Variants in PRKG1 observed in about 807,000 individuals in gnomAD.
The protein encoded by PRKG1 is protein kinase cGMP-dependent 1.
A neutral mutation model predicts 88.1 loss-of-function variants in PRKG1; 35 were observed. The ratio of observed to expected loss-of-function variants is 0.40; its 90% confidence interval spans 0.30 to 0.53. PRKG1 has a LOEUF of 0.53. Among genes scored for constraint, PRKG1 ranks in the 20% least tolerant of loss-of-function variants. PRKG1 has a pLI of 0.59. For synonymous variants in PRKG1, 303 were observed against 292.5 expected, an observed-to-expected ratio of 1.04 and a Z score of -0.37; for missense variants, 540 against 839.8, an observed-to-expected ratio of 0.64 and a Z score of 4.41.
At chr10:51,219,074 A>G (rs1334528422) in intron 2 of PRKG1, among the ~76,000 whole-genome samples, 1 of 152,224 alleles carries the variant, frequency 6.6e-6, no homozygotes, top group East Asian at 1.9e-4. Flanking sequence ...TTTTAGAAAT[A>G]CTTTCAAATT....
At chr10:51,958,626 G>T in intron 5 of PRKG1, among the ~76,000 whole-genome samples, 2 of 141,970 alleles carry the variant, frequency 1.4e-5, no homozygotes, top group Admixed American at 7.2e-5. Flanking sequence ...CATGAGTGTT[G>T]GAAGGGAAGA....
chr10:51,706,458 C>T (rs1254008906), intron 3 of PRKG1, among the ~76,000 whole-genome samples: 1 of 151,772 alleles, frequency 6.6e-6, no homozygotes, highest in Non-Finnish European at 1.5e-5. Context: ...CATTTCTGGA[C>T]TTGAGGTTGA....
At chr10:52,003,962 C>T (rs1197597009) in intron 5 of PRKG1, among the ~76,000 whole-genome samples, 1 of 152,114 alleles carries the variant, frequency 6.6e-6, no homozygotes, top group Non-Finnish European at 1.5e-5. Context: ...TCAGTTTTCT[C>T]ATCTGTAAAA....
chr10:51,568,958 C>T (rs758481628), intron 3 of PRKG1, among the ~76,000 whole-genome samples: 1 of 151,744 alleles, frequency 6.6e-6, no homozygotes, highest in Non-Finnish European at 1.5e-5. Flanking sequence ...GGGTGTGGGC[C>T]GAGTAGACTA....
rs377626383 is a variant in PRKG1, at chr10:51,193,309, A to G, written c.478+39979A>G. Among the ~76,000 whole-genome samples, 14 of 152,150 alleles carry G rather than the reference A, an allele frequency of 9.2e-5. No homozygotes were observed. In the East Asian group the frequency reaches 1.5e-3, roughly 17 times the overall value. ...AAATCACCTGGAGGTACTGTTGAAT[A>G]TGCAGATTTCTGTGTCCCACCCTAT... On this transcript the variant is annotated intron_variant, in intron 2 of 17. Coordinates refer to ENST00000373980, the MANE Select transcript of PRKG1 (RefSeq NM_006258.4).
intron 5 of PRKG1, among the ~76,000 whole-genome samples, chr10:51,952,927 T>C (rs1843219329): frequency 6.6e-6 from 1 of 152,250 alleles, no homozygotes; most frequent in African/African-American, 2.4e-5. Flanking sequence ...GTGTGATTAA[T>C]ACATGTTTAT....
chr10:51,667,464 T>A (rs1026108484), intron 3 of PRKG1, among the ~76,000 whole-genome samples: 2 of 152,214 alleles, frequency 1.3e-5, no homozygotes, highest in Admixed American at 6.5e-5. Flanking sequence ...GTAATAGTGT[T>A]AAATAATGAT....
chr10:51,089,269 T>TAAA (rs1844340316), intron 1 of PRKG1, among the ~76,000 whole-genome samples: 3 of 152,228 alleles, frequency 2.0e-5, no homozygotes, highest in African/African-American at 4.8e-5. Flanking sequence ...GATAGACTGA[T>TAAA]TGCTAATAAA....
At chr10:51,602,272 G>A (rs1419509085) in intron 3 of PRKG1, among the ~76,000 whole-genome samples, 1 of 152,170 alleles carries the variant, frequency 6.6e-6, no homozygotes, top group East Asian at 1.9e-4. Flanking sequence ...ACTTCAAGGA[G>A]TTTTGTTTAT....
intron 2 of PRKG1, among the ~76,000 whole-genome samples, chr10:51,258,643 C>G (rs10490976): frequency 6.6e-6 from 1 of 152,186 alleles, no homozygotes; most frequent in Non-Finnish European, 1.5e-5. Context: ...TGGGTCAGTA[C>G]TCCTGCTTCA....
chr10:51,595,043 T>C (rs541743461), intron 3 of PRKG1, among the ~76,000 whole-genome samples: 13 of 152,278 alleles, frequency 8.5e-5, no homozygotes, highest in Admixed American at 4.6e-4. Context: ...GTGGATCCCA[T>C]TGGTGATATA....
chr10:51,481,169 T>C (rs1840344412), intron 3 of PRKG1, among the ~76,000 whole-genome samples: 1 of 152,028 alleles, frequency 6.6e-6, no homozygotes, highest in South Asian at 2.1e-4. Flanking sequence ...TATTTTACTC[T>C]TCAGTCTCTC....
At chr10:52,252,255 A>G (rs1258469052) in intron 10 of PRKG1, 2 of 152,146 alleles carry the variant, frequency 1.3e-5, no homozygotes, top group Non-Finnish European at 2.9e-5. Context: ...GAAGATGATG[A>G]TGACACTTTG....
intron 4 of PRKG1, among the ~76,000 whole-genome samples, chr10:51,872,584 A>C (rs888852278): frequency 2.0e-5 from 3 of 152,156 alleles, no homozygotes; most frequent in African/African-American, 7.2e-5. Flanking sequence ...AACCTTTAAA[A>C]AATTTCTTTT....
rs1289803162 is a variant in PRKG1 at position 52,157,306 on chromosome 10, G to GAGATATATATAT, written c.1002-4582_1002-4581insGATATATATATA. Among the ~76,000 whole-genome samples the GAGATATATATAT allele has an allele frequency of 7.9e-3, 992 of 125,726 alleles. 19 individuals carry two copies. Among genetic ancestry groups the GAGATATATATAT allele is most frequent in the East Asian group, 0.033 (125 of 3,744 alleles). 82.5% of individuals were successfully genotyped at this position (125,726 alleles called of 152,430 possible). The stretch of plus-strand genomic sequence containing the variant: ...TATATATATTGTGTGTGAGTTAGTT[G>GAGATATATATAT]ATATATATATATATATATATATATA... On this transcript the variant is annotated intron_variant, in intron 8 of 17. Transcript: ENST00000373980.
At chr10:51,217,049 A>G (rs1442733882) in intron 2 of PRKG1, among the ~76,000 whole-genome samples, 1 of 152,150 alleles carries the variant, frequency 6.6e-6, no homozygotes, top group Non-Finnish European at 1.5e-5. Context: ...AGATAGTCAA[A>G]TTGAAAAGCT....
chr10:51,861,604 C>A (rs1840874366), intron 4 of PRKG1, among the ~76,000 whole-genome samples: 1 of 152,142 alleles, frequency 6.6e-6, no homozygotes, highest in South Asian at 2.1e-4. Flanking sequence ...GCTCCTATAT[C>A]TTTTTCATAA....
intron 10 of PRKG1, among the ~76,000 whole-genome samples, chr10:52,267,626 C>A (rs1841609753): frequency 6.6e-6 from 1 of 151,942 alleles, no homozygotes; most frequent in African/African-American, 2.4e-5. Context: ...ACATTTATTT[C>A]ACATATAGAT....
At chr10:51,833,073 G>A (rs1309979110) in intron 4 of PRKG1, among the ~76,000 whole-genome samples, 1 of 152,114 alleles carries the variant, frequency 6.6e-6, no homozygotes, top group Non-Finnish European at 1.5e-5. Flanking sequence ...TGTTGTGATT[G>A]TCTCCTTAAA....
Sources: gnomAD v4.1 joint callset for allele counts (sites outside exome capture counted in the v4.1 genomes callset) on GRCh38, gnomAD v4.1.1 for gene constraint, MANE v1.5 for transcripts, NCBI Gene and HGNC (gene_info 2026-07-23, HGNC 2026-07-21) for gene names.